The following IGBP1 variants were observed in gnomAD, a reference collection of about 807,000 sequenced individuals.
IGBP1 encodes the protein immunoglobulin binding protein 1, also known as immunoglobulin-binding protein 1.
In IGBP1, 2 loss-of-function variants were observed where a neutral mutation model predicts 25.9. The observed-to-expected ratio is 0.08, with a 90% CI of 0.03 to 0.24. The LOEUF (loss-of-function observed/expected upper bound fraction) is 0.24. Ranked by LOEUF, IGBP1 falls within the 10% of genes least tolerant of loss-of-function variation. The pLI is 1.00. For missense variants in IGBP1, 187 were observed against 260.4 expected (o/e 0.72, Z 1.94); for synonymous variants, 96 against 93.4 (o/e 1.03, Z -0.16).
intron 3 of IGBP1, among the ~76,000 whole-genome samples, chrX:70,137,463 T>C (rs774454910): frequency 4.5e-5 from 5 of 111,198 alleles, no homozygotes; most frequent in Non-Finnish European, 9.4e-5. Flanking sequence ...TATTTATTAA[T>C]TGCTTCCTGT....
intron 6 of IGBP1, among the ~76,000 whole-genome samples, chrX:70,162,683 A>G (rs1052185570): frequency 7.1e-5 from 8 of 112,387 alleles, no homozygotes; most frequent in East Asian, 5.6e-4. Context: ...TTTTAAAACA[A>G]TAATTGTGGG....
intron 3 of IGBP1, among the ~76,000 whole-genome samples, chrX:70,136,698 T>TTTATTA (rs58340348): frequency 0.012 from 1,222 of 97,986 alleles, 5 homozygotes; most frequent in Non-Finnish European, 0.016. Flanking sequence ...TTCTTTTTTC[T>TTTATTA]TTATTATTAT....
intron 3 of IGBP1, among the ~76,000 whole-genome samples, chrX:70,146,237 C>T (rs2085165689): frequency 1.4e-5 from 1 of 69,541 alleles, no homozygotes; most frequent in Non-Finnish European, 3.2e-5. Context: ...GGTAAATGAC[C>T]CCTAAGATTC....
intron 6 of IGBP1, among the ~76,000 whole-genome samples, chrX:70,158,239 T>TA (rs1447726386): frequency 1.8e-5 from 2 of 111,890 alleles, no homozygotes; most frequent in Admixed American, 1.9e-4. Context: ...AGTGAACTCT[T>TA]GAAGTTGATC....
Position 70,134,448 on chromosome X carries a change from C to G in IGBP1, c.189-75C>G, listed in dbSNP as rs1009439694. 12 of 1,064,600 alleles carry G rather than the reference C, an allele frequency of 1.1e-5. No homozygotes were observed. In the African/African-American group the frequency reaches 2.0e-4, roughly 18 times the overall value. The allele number at this position is 1,064,600 out of a possible 1,213,427, so 87.7% of individuals were successfully genotyped here. On this transcript the variant is annotated intron_variant, in intron 2 of 6. Transcript: ENST00000356413. ...GGTCCACTCCCAGCCCAGCCTCCCA[C>G]TCCGTCCCCCAGAAAGCAAGGGCCA...
At chrX:70,164,847 T>C (rs1482338069) in intron 6 of IGBP1, 2 of 111,989 alleles carry the variant, frequency 1.8e-5, no homozygotes, top group Non-Finnish European at 3.8e-5. Flanking sequence ...CCCAGCACTT[T>C]GGGAGGGCCG....
At chrX:70,138,293 C>T in intron 3 of IGBP1, among the ~76,000 whole-genome samples, 1 of 110,396 alleles carries the variant, frequency 9.1e-6, no homozygotes, top group Middle Eastern at 4.6e-3. Context: ...CCAGCCTAGG[C>T]AACAAAGTAA....
rs758806158 is a variant in IGBP1 at position 70,133,928 on chromosome X, C to A, written c.-20C>A. 4 of 1,204,617 alleles carry A rather than the reference C, an allele frequency of 3.3e-6. No individual in the cohort carries two copies. Among genetic ancestry groups the A allele is most frequent in the Non-Finnish European group, 4.5e-6 (4 of 889,952 alleles). On this transcript the variant is annotated 5_prime_UTR_variant, in exon 2 of 7. Coordinates refer to ENST00000356413, the MANE Select transcript of IGBP1 (RefSeq NM_001551.3). Reference sequence around the variant, plus strand: ...CTTTGACCCCGGAAAAGAGATCTTCCGGGTTCCTCTCTCCCCAAGATGGCT... The same window carrying A: ...CTTTGACCCCGGAAAAGAGATCTTCAGGGTTCCTCTCTCCCCAAGATGGCT...
chrX:70,148,947 G>C lies in IGBP1; in HGVS notation c.758+107G>C, dbSNP rs911810538. The C allele has an allele frequency of 1.1e-5, 7 of 615,631 alleles. No individual in the cohort carries two copies. The African/African-American group carries it at 1.3e-4, about 12-fold the overall frequency. The allele number at this position is 615,631 out of a possible 1,213,427, so 50.7% of individuals were successfully genotyped here. A position where few individuals can be genotyped will look rare whatever the true frequency, so the allele number is the denominator to read the frequency against. ...AGTGGTGTTGAAAAGTCATGATCTTGGGTGGGCGAGGTGGCTCGTGCCTGT... is the reference window on the plus strand; with the variant it reads ...AGTGGTGTTGAAAAGTCATGATCTTCGGTGGGCGAGGTGGCTCGTGCCTGT... On this transcript the variant is annotated intron_variant, in intron 5 of 6. Coordinates refer to ENST00000356413, the MANE Select transcript of IGBP1 (RefSeq NM_001551.3).
rs149043880 is a variant in IGBP1 at position 70,150,481 on chromosome X, T to C, written c.871+159T>C. 0.075 allele frequency among the ~76,000 whole-genome samples: 8,385 copies of C among 111,441 alleles called. 341 individuals are homozygous for C. Among genetic ancestry groups the C allele is most frequent in the Non-Finnish European group, 0.11 (5,643 of 53,048 alleles). On this transcript the variant is annotated intron_variant, in intron 6 of 6. Coordinates refer to ENST00000356413, the MANE Select transcript of IGBP1 (RefSeq NM_001551.3). ...AGACAGTACTATGTTTATTATTAAA[T>C]AGCAAATGGTTATGGGAGGATGGGG...
intron 6 of IGBP1, among the ~76,000 whole-genome samples, chrX:70,162,867 G>T (rs1271390333): frequency 3.0e-5 from 3 of 100,868 alleles, no homozygotes; most frequent in Non-Finnish European, 5.8e-5. Flanking sequence ...CCAGCCACTC[G>T]GGAGGATGAG....
At chrX:70,137,751 CAA>C (rs752550128) in intron 3 of IGBP1, among the ~76,000 whole-genome samples, 952 of 21,691 alleles carry the variant, frequency 0.044, 10 homozygotes, top group African/African-American at 0.13. Flanking sequence ...AATAATTATA[CAA>C]AAAAAAAAAA....
chrX:70,141,733 C>T (rs1395655806), intron 3 of IGBP1, among the ~76,000 whole-genome samples: 3 of 111,312 alleles, frequency 2.7e-5, no homozygotes, highest in African/African-American at 6.5e-5. Flanking sequence ...CCTGGGGTAA[C>T]TAATCCAATT....
At position 70,134,121 on chromosome X, in the gene IGBP1, G is replaced by A; in HGVS notation, c.174G>A (p.Gln58=). The A allele has an allele frequency of 8.3e-7, 1 of 1,210,024 alleles. No individual in the cohort carries two copies. ...LLEKAAEMLS[Q]LDLFSRNEDL... ...AGAAGGCTGCCGAAATGTTATCGCA[G>A]CTCGACTTGTTCAGGTATGGGGGAA... Residue 58 remains glutamine, a synonymous_variant, in exon 2 of 7, where the codon CAG becomes CAA. Coordinates refer to ENST00000356413, the MANE Select transcript of IGBP1 (RefSeq NM_001551.3).
chrX:70,143,254 G>A (rs192216934), intron 3 of IGBP1, among the ~76,000 whole-genome samples: 28 of 110,495 alleles, frequency 2.5e-4, no homozygotes, highest in African/African-American at 8.2e-4. Flanking sequence ...GGCCGGTCTC[G>A]AACTCCCGAC....
At chrX:70,134,321 C>T (rs765905514) in intron 2 of IGBP1, among the ~76,000 whole-genome samples, 186 bp downstream of exon 2, 3 of 112,212 alleles carry the variant, frequency 2.7e-5, no homozygotes, top group East Asian at 5.6e-4. Flanking sequence ...TATCTTACGA[C>T]TCTGCTTCCT....
intron 6 of IGBP1, among the ~76,000 whole-genome samples, chrX:70,157,267 TG>T (rs1380946769): frequency 1.8e-4 from 3 of 16,880 alleles, no homozygotes; most frequent in African/African-American, 2.6e-4. Context: ...TTAACAAGGG[TG>T]GGGGTGGGGG....
At position 70,142,552 on chromosome X, in the gene IGBP1, C is replaced by T. The variant is rs1008295676; in HGVS notation, c.483-4081C>T. ...CATTACCTTTGGTTGGGCACAGTGGCTTGTGCCTTTAATCGCAGCACTTTG... is the reference window on the plus strand; with the variant it reads ...CATTACCTTTGGTTGGGCACAGTGGTTTGTGCCTTTAATCGCAGCACTTTG... On this transcript the variant is annotated intron_variant, in intron 3 of 6. Transcript: ENST00000356413. Among the ~76,000 whole-genome samples, 3 of 110,592 alleles carry T rather than the reference C, an allele frequency of 2.7e-5. No individual in the cohort carries two copies. In the Admixed American group the frequency reaches 2.9e-4, roughly 11 times the overall value.
rs767482100 is a variant in IGBP1 at position 70,158,077 on chromosome X, C to T, written c.871+7755C>T. Reference sequence around the variant, plus strand: ...CAGGAGAAAACCAGAGTTGACAGGCCATCTGAAAAACTTGACAAACAGAAT... The same window carrying T: ...CAGGAGAAAACCAGAGTTGACAGGCTATCTGAAAAACTTGACAAACAGAAT... On this transcript the variant is annotated intron_variant, in intron 6 of 6. Coordinates refer to ENST00000356413, the MANE Select transcript of IGBP1 (RefSeq NM_001551.3). Among the ~76,000 whole-genome samples the T allele has an allele frequency of 7.1e-5, 8 of 112,132 alleles. No homozygotes were observed. In the South Asian group the frequency reaches 1.8e-3, roughly 26 times the overall value.
Sources: gnomAD v4.1 joint callset for allele counts (sites outside exome capture counted in the v4.1 genomes callset) on GRCh38, gnomAD v4.1.1 for gene constraint, MANE v1.5 for transcripts, NCBI Gene and HGNC (gene_info 2026-07-23, HGNC 2026-07-21) for gene names.